Variants in RNF13 observed in about 807,000 individuals in gnomAD.
RNF13 encodes the protein ring finger protein 13.
A neutral mutation model predicts 37.7 loss-of-function variants in RNF13; 19 were observed. The ratio of observed to expected loss-of-function variants is 0.50; its 90% CI spans 0.35 to 0.74. The LOEUF is 0.74. Among genes scored for constraint, RNF13 ranks in the 30% least tolerant of loss-of-function variants. RNF13 has a pLI of 0.01. For synonymous variants in RNF13, 144 were observed against 157.8 expected (o/e 0.91, Z 0.65); for missense variants, 375 against 453.0 (o/e 0.83, Z 1.56).
intron 7 of RNF13, among the ~76,000 whole-genome samples, chr3:149,916,386 C>T (rs1329602903): frequency 6.6e-6 from 1 of 152,008 alleles, no homozygotes; most frequent in Non-Finnish European, 1.5e-5. Flanking sequence ...AAATTATTGC[C>T]TTATTAGTCT....
At chr3:149,939,671 A>ATAAC in intron 8 of RNF13, 3 of 763,244 alleles carry the variant, frequency 3.9e-6, no homozygotes, top group Non-Finnish European at 6.7e-6. Flanking sequence ...GTTCTTAAAG[A>ATAAC]TAACTGGTGC....
chr3:149,847,765 G>A (rs1722777861), intron 2 of RNF13, among the ~76,000 whole-genome samples: 1 of 152,084 alleles, frequency 6.6e-6, no homozygotes, highest in African/African-American at 2.4e-5. Flanking sequence ...GACTGATCAG[G>A]GAATAAACTT....
intron 8 of RNF13, among the ~76,000 whole-genome samples, chr3:149,944,453 A>G (rs1417585135): frequency 1.3e-5 from 2 of 152,228 alleles, no homozygotes; most frequent in East Asian, 1.9e-4. Flanking sequence ...AAGTGTTCCT[A>G]TTTCTCCACA....
intron 4 of RNF13, among the ~76,000 whole-genome samples, chr3:149,882,884 A>C (rs1408732934): frequency 6.6e-6 from 1 of 152,130 alleles, no homozygotes; most frequent in Non-Finnish European, 1.5e-5. Flanking sequence ...TCAAGACAAA[A>C]GCTTGTGGTT....
intron 2 of RNF13, among the ~76,000 whole-genome samples, chr3:149,847,657 A>C (rs1722771441): frequency 1.3e-5 from 2 of 152,106 alleles, no homozygotes; most frequent in South Asian, 4.1e-4. Flanking sequence ...GCCTTTAAAG[A>C]CTGAGTCCAT....
At chr3:149,902,412 T>A (rs977321177) in intron 6 of RNF13, among the ~76,000 whole-genome samples, 1 of 152,086 alleles carries the variant, frequency 6.6e-6, no homozygotes, top group Non-Finnish European at 1.5e-5. Flanking sequence ...AAGATAACTT[T>A]TCATTTTGAA....
At chr3:149,820,918 C>T (rs1719941723) in intron 1 of RNF13, among the ~76,000 whole-genome samples, 2 of 152,110 alleles carry the variant, frequency 1.3e-5, no homozygotes, top group Non-Finnish European at 1.5e-5. Flanking sequence ...TTATCCCTGG[C>T]TTCTTTCACT....
intron 3 of RNF13, among the ~76,000 whole-genome samples, chr3:149,867,526 A>G (rs540530050): frequency 1.3e-5 from 2 of 151,620 alleles, no homozygotes; most frequent in African/African-American, 4.8e-5. Context: ...CGGCCTCCCA[A>G]AGTGCTGGGA....
At chr3:149,870,884 C>T (rs2108439595) in intron 3 of RNF13, among the ~76,000 whole-genome samples, 1 of 151,858 alleles carries the variant, frequency 6.6e-6, no homozygotes, top group African/African-American at 2.4e-5. Context: ...AGTTCAGGAC[C>T]ATACAGAACT....
chr3:149,820,312 A>G (rs1719895850), intron 1 of RNF13, among the ~76,000 whole-genome samples: 1 of 151,818 alleles, frequency 6.6e-6, no homozygotes, highest in Admixed American at 6.6e-5. Context: ...TCAGCTTCCC[A>G]AAGTGCTGGG....
In RNF13 at chr3:149,899,513, G is replaced by A. The variant is rs79621810; in HGVS notation, c.410-2559G>A. On this transcript the variant is annotated intron_variant, in intron 5 of 9. Transcript: ENST00000392894. ...AAATAAGTTTTAAACAGCTGTGTAA[G>A]GCAATATGACATATTTCATAAACGG... 8.5e-3 allele frequency among the ~76,000 whole-genome samples: 1,294 copies of A among 152,270 alleles called. 12 individuals carry two copies. Among genetic ancestry groups the A allele is most frequent in the Non-Finnish European group, 0.015 (1,001 of 68,020 alleles).
chr3:149,853,460 GAGA>G (rs1559907847), intron 3 of RNF13, among the ~76,000 whole-genome samples: 8 of 30,288 alleles, frequency 2.6e-4, no homozygotes, highest in Non-Finnish European at 6.7e-4. Flanking sequence ...GAGAGGGAGA[GAGA>G]GAGAGAGAGA....
In RNF13 at chr3:149,846,070, T is replaced by A; in HGVS notation, c.44T>A (p.Val15Asp). ...ATGCTCATGCTGTCAGCCACACAAG[T>A]CTACACCATCTTGACTGTCCAGCTC... ...IGMLMLSATQ[V>D]YTILTVQLFA... The change falls in exon 2 of 10, where the codon GTC becomes GAC. Residue 15 changes from valine to aspartate, a missense_variant. Transcript: ENST00000392894. The A allele has an allele frequency of 6.2e-7, 1 of 1,612,718 alleles. No homozygotes were observed. The highest frequency in any genetic ancestry group is 2.0e-4 in the Middle Eastern group (1 of 5,072).
intron 8 of RNF13, among the ~76,000 whole-genome samples, chr3:149,926,943 A>G (rs577467911): frequency 6.6e-6 from 1 of 152,282 alleles, no homozygotes; most frequent in East Asian, 1.9e-4. Flanking sequence ...GTAAAAATCG[A>G]ATTGTCAAGG....
chr3:149,953,766 C>A (rs1049367286), intron 8 of RNF13, among the ~76,000 whole-genome samples: 1 of 152,146 alleles, frequency 6.6e-6, no homozygotes, highest in Admixed American at 6.5e-5. Context: ...TTAACCTTGC[C>A]AAGCACCCAT....
intron 5 of RNF13, among the ~76,000 whole-genome samples, chr3:149,899,403 C>T (rs1210099989): frequency 2.6e-5 from 4 of 152,084 alleles, no homozygotes; most frequent in Non-Finnish European, 4.4e-5. Context: ...GAGCCGAGAT[C>T]GTGCCACTGC....
intron 4 of RNF13, among the ~76,000 whole-genome samples, chr3:149,891,546 G>T (rs901341531): frequency 2.0e-5 from 3 of 152,132 alleles, no homozygotes; most frequent in Non-Finnish European, 4.4e-5. Context: ...CTCTTGGTTA[G>T]GTGCCACCTG....
chr3:149,865,077 A>T (rs1171894284), intron 3 of RNF13, among the ~76,000 whole-genome samples: 1 of 152,034 alleles, frequency 6.6e-6, no homozygotes, highest in Non-Finnish European at 1.5e-5. Context: ...GTTTAATAAG[A>T]TATATTGTAT....
intron 4 of RNF13, among the ~76,000 whole-genome samples, chr3:149,872,567 A>C (rs1712200016): frequency 1.3e-5 from 2 of 152,176 alleles, no homozygotes; most frequent in African/African-American, 4.8e-5. Flanking sequence ...TCAGATAGTA[A>C]AACAAGGTTT....
Sources: allele counts gnomAD v4.1 joint callset (sites outside exome capture counted in the v4.1 genomes callset), GRCh38; gene constraint gnomAD v4.1.1; transcripts MANE v1.5; gene names NCBI Gene and HGNC (gene_info 2026-07-23, HGNC 2026-07-21).